Variants in SLC35F1 observed in about 807,000 individuals in gnomAD.
The protein encoded by SLC35F1 is solute carrier family 35 member F1, also known as chromosome 6 open reading frame 169.
SLC35F1 carries 14 observed loss-of-function variants against 48.7 expected under a neutral mutation model. The ratio of observed to expected loss-of-function variants is 0.29; its 90% CI spans 0.19 to 0.45. The LOEUF is 0.45. SLC35F1 is among the 20% of genes least tolerant of loss of function. The pLI is 1.00. For missense variants in SLC35F1, 404 were observed against 500.0 expected, an observed-to-expected ratio of 0.81 and a Z score of 1.83; for synonymous variants, 190 against 202.2, an observed-to-expected ratio of 0.94 and a Z score of 0.51.
intron 4 of SLC35F1, among the ~76,000 whole-genome samples, chr6:118,269,681 G>T (rs1197327095): frequency 6.6e-6 from 1 of 151,900 alleles, no homozygotes. Context: ...ATCAGCCAGG[G>T]TCACAAAACT....
At chr6:118,185,641 CA>C (rs1298236405) in intron 2 of SLC35F1, among the ~76,000 whole-genome samples, 1 of 152,108 alleles carries the variant, frequency 6.6e-6, no homozygotes, top group Non-Finnish European at 1.5e-5. Context: ...GACCTGGCAA[CA>C]GTGAATCTTC....
At chr6:118,275,389 C>G in intron 4 of SLC35F1, 70 bp from the exon 5 acceptor site, 1 of 1,499,452 alleles carries the variant, frequency 6.7e-7, no homozygotes, top group Non-Finnish European at 9.0e-7. Context: ...GCTCAATTTG[C>G]CGATGCCAGA....
intron 1 of SLC35F1, among the ~76,000 whole-genome samples, chr6:118,136,581 C>T (rs1313551380): frequency 6.6e-6 from 1 of 152,182 alleles, no homozygotes; most frequent in Non-Finnish European, 1.5e-5. Context: ...AACGCATCTC[C>T]TTCTGCCCCT....
chr6:118,293,275 A>C (rs1776146562), intron 7 of SLC35F1, among the ~76,000 whole-genome samples: 1 of 152,210 alleles, frequency 6.6e-6, no homozygotes, highest in African/African-American at 2.4e-5. Flanking sequence ...AAAATCAAGT[A>C]TTAGCAGAGG....
Position 117,932,770 on chromosome 6 carries a change from T to C in SLC35F1, c.173+24871T>C, listed in dbSNP as rs564125708. ...ACTTGGAGTTGATTCCCATTTTCCT[T>C]TGGAGGTGACTGGCAAATGCAATCT... On this transcript the variant is annotated intron_variant, in intron 1 of 7. Transcript: ENST00000360388. Among the ~76,000 whole-genome samples the C allele has an allele frequency of 3.7e-4, 57 of 152,276 alleles. 1 individual carries two copies. In the South Asian group the frequency reaches 0.011, roughly 30 times the overall value.
chr6:118,012,134 T>A (rs1309145358), intron 1 of SLC35F1, among the ~76,000 whole-genome samples: 3 of 151,660 alleles, frequency 2.0e-5, no homozygotes, highest in African/African-American at 7.3e-5. Context: ...ATGACCAAGA[T>A]GGAGAGAAGG....
intron 1 of SLC35F1, among the ~76,000 whole-genome samples, chr6:118,026,882 C>A (rs959048491): frequency 6.6e-6 from 1 of 152,208 alleles, no homozygotes; most frequent in East Asian, 1.9e-4. Flanking sequence ...TGAGTCTTGG[C>A]AAATGCACTT....
intron 1 of SLC35F1, among the ~76,000 whole-genome samples, chr6:118,128,355 T>C (rs1773659689): frequency 1.4e-5 from 2 of 146,310 alleles, no homozygotes; most frequent in Admixed American, 6.9e-5. Flanking sequence ...TAAAGACACA[T>C]GCACACGTAT....
chr6:118,242,474 A>G (rs1473719520), intron 3 of SLC35F1, among the ~76,000 whole-genome samples: 1 of 152,226 alleles, frequency 6.6e-6, no homozygotes, highest in Non-Finnish European at 1.5e-5. Context: ...TGTTTTCCTT[A>G]TTAGAAAGTA....
chr6:118,184,066 T>G (rs1457628310), intron 2 of SLC35F1, among the ~76,000 whole-genome samples: 1 of 152,186 alleles, frequency 6.6e-6, no homozygotes, highest in Admixed American at 6.6e-5. Flanking sequence ...CTTGTTCAAA[T>G]TCCTCTGAGT....
intron 1 of SLC35F1, among the ~76,000 whole-genome samples, chr6:117,973,683 T>G (rs1776671627): frequency 6.6e-6 from 1 of 152,130 alleles, no homozygotes; most frequent in African/African-American, 2.4e-5. Flanking sequence ...TGCCTCAGCC[T>G]TCCCAGTACC....
At chr6:118,034,680 A>G (rs952455640) in intron 1 of SLC35F1, among the ~76,000 whole-genome samples, 6 of 152,164 alleles carry the variant, frequency 3.9e-5, no homozygotes, top group Non-Finnish European at 5.9e-5. Context: ...TTAGAAAATT[A>G]CCCTTGGAGT....
intron 2 of SLC35F1, among the ~76,000 whole-genome samples, chr6:118,186,127 C>T (rs184838693): frequency 7.9e-5 from 12 of 152,246 alleles, no homozygotes; most frequent in African/African-American, 2.4e-4. Flanking sequence ...CTCTGGGTCA[C>T]GATATCTGGG....
chr6:118,084,546 T>C (rs1432755479), intron 1 of SLC35F1, among the ~76,000 whole-genome samples: 1 of 151,968 alleles, frequency 6.6e-6, no homozygotes, highest in Non-Finnish European at 1.5e-5. Context: ...TACCTTCTAG[T>C]GGGGGAGATG....
At chr6:117,949,777 A>T (rs1422908652) in intron 1 of SLC35F1, among the ~76,000 whole-genome samples, 1 of 152,084 alleles carries the variant, frequency 6.6e-6, no homozygotes, top group Non-Finnish European at 1.5e-5. Context: ...TGTGTGTGGC[A>T]TGGGACCAGG....
At chr6:118,173,107 T>A (rs1277234589) in intron 2 of SLC35F1, among the ~76,000 whole-genome samples, 3 of 152,128 alleles carry the variant, frequency 2.0e-5, no homozygotes, top group African/African-American at 4.8e-5. Flanking sequence ...ATCTTACAGA[T>A]GAGACTCAGA....
At chr6:117,983,146 A>T (rs888760191) in intron 1 of SLC35F1, among the ~76,000 whole-genome samples, 1 of 152,212 alleles carries the variant, frequency 6.6e-6, no homozygotes, top group African/African-American at 2.4e-5. Flanking sequence ...TTTTCCCTTT[A>T]CTGCACTCTG....
intron 7 of SLC35F1, among the ~76,000 whole-genome samples, chr6:118,292,316 G>A (rs1038245679): frequency 3.9e-5 from 6 of 152,052 alleles, no homozygotes; most frequent in African/African-American, 7.2e-5. Flanking sequence ...TGAAGTTTAC[G>A]AGCTTATTGC....
chr6:118,024,391 C>G (rs1159227531), intron 1 of SLC35F1, among the ~76,000 whole-genome samples: 1 of 152,178 alleles, frequency 6.6e-6, no homozygotes, highest in Non-Finnish European at 1.5e-5. Flanking sequence ...ATAATTTTAG[C>G]AATGGAGAAT....
Sources: gnomAD v4.1 joint callset for allele counts (sites outside exome capture counted in the v4.1 genomes callset) on GRCh38, gnomAD v4.1.1 for gene constraint, MANE v1.5 for transcripts, NCBI Gene and HGNC (gene_info 2026-07-23, HGNC 2026-07-21) for gene names.